The following DOCK1 variants were observed in gnomAD, a reference collection of about 807,000 sequenced individuals.
DOCK1 encodes dedicator of cytokinesis 1, also known as dedicator of cytokinesis protein 1.
DOCK1 carries 138 observed loss-of-function variants against 262.7 expected under a neutral mutation model. The ratio of observed to expected loss-of-function variants is 0.53; its 90% CI spans 0.46 to 0.61. DOCK1 has a LOEUF of 0.61. DOCK1 is among the 20% of genes least tolerant of loss of function. The pLI, the probability that DOCK1 is intolerant of heterozygous loss-of-function variation, is 0.00. For synonymous variants in DOCK1, 866 were observed against 867.4 expected, an observed-to-expected ratio of 1.00 and a Z score of 0.03; for missense variants, 1,908 against 2,370.7, an observed-to-expected ratio of 0.80 and a Z score of 4.05.
intron 1 of DOCK1, among the ~76,000 whole-genome samples, chr10:126,919,841 C>T (rs2032994894): frequency 6.6e-6 from 1 of 152,208 alleles, no homozygotes; most frequent in Admixed American, 6.5e-5. Flanking sequence ...CCAGCACCTG[C>T]TGTGGTCCCT....
intron 42 of DOCK1, among the ~76,000 whole-genome samples, chr10:127,410,600 C>A (rs192418741): frequency 6.6e-6 from 1 of 152,326 alleles, no homozygotes; most frequent in Non-Finnish European, 1.5e-5. Context: ...TTCACTCTTA[C>A]TCAGCTTCTG....
chr10:126,907,423 C>T (rs965326555), intron 1 of DOCK1, among the ~76,000 whole-genome samples: 1 of 151,978 alleles, frequency 6.6e-6, no homozygotes, highest in African/African-American at 2.4e-5. Flanking sequence ...GCAGTGGGGG[C>T]CATCACTGCT....
At chr10:127,168,629 T>A (rs1244849648) in intron 27 of DOCK1, among the ~76,000 whole-genome samples, 2 of 152,212 alleles carry the variant, frequency 1.3e-5, no homozygotes, top group Admixed American at 6.5e-5. Context: ...AAGACTTTGA[T>A]CTCTATTAAG....
In DOCK1 at chr10:127,268,833, T is replaced by G. The variant is rs539333320; in HGVS notation, c.3044+11404T>G. On this transcript the variant is annotated intron_variant, in intron 29 of 51. Coordinates refer to ENST00000623213, the MANE Select transcript of DOCK1 (RefSeq NM_001290223.2). Reference sequence around the variant, plus strand: ...GGCATTGGAATCACAGTGACATGAATGTACATGCCAGGGCTGCCTCCAGTC... The same window carrying G: ...GGCATTGGAATCACAGTGACATGAAGGTACATGCCAGGGCTGCCTCCAGTC... Among the ~76,000 whole-genome samples the G allele has an allele frequency of 3.3e-5, 5 of 152,214 alleles. No individual in the cohort carries two copies. The South Asian group carries it at 1.0e-3, about 32-fold the overall frequency.
intron 1 of DOCK1, among the ~76,000 whole-genome samples, chr10:126,920,008 C>G (rs777035984): frequency 6.6e-6 from 1 of 152,256 alleles, no homozygotes; most frequent in Non-Finnish European, 1.5e-5. Context: ...CGGCTCAGCT[C>G]GAGAATGCAG....
At chr10:127,014,920 C>A (rs1394573174) in intron 12 of DOCK1, 2 of 152,222 alleles carry the variant, frequency 1.3e-5, no homozygotes, top group African/African-American at 4.8e-5. Flanking sequence ...GAAAAAGGGG[C>A]CTCATCAACC....
chr10:127,294,862 G>C (rs1049303627), intron 29 of DOCK1, among the ~76,000 whole-genome samples: 2 of 151,942 alleles, frequency 1.3e-5, no homozygotes, highest in African/African-American at 4.8e-5. Flanking sequence ...GGCTGGTTTC[G>C]AACTCCTGAC....
rs146177883 is a variant in DOCK1, at chr10:127,013,137, G to T, written c.1201+763G>T. Among the ~76,000 whole-genome samples, 722 of 152,316 alleles carry T rather than the reference G, an allele frequency of 4.7e-3. 6 individuals carry two copies. Among genetic ancestry groups the T allele is most frequent in the Non-Finnish European group, 4.4e-3 (297 of 68,034 alleles). ...TGTTCTAAAGGAGAATGTGAATTGA[G>T]CCTGAAGAATGTTTTAGAGAATGAG... On this transcript the variant is annotated intron_variant, in intron 12 of 51. Transcript: ENST00000623213.
intron 1 of DOCK1, among the ~76,000 whole-genome samples, chr10:126,951,434 T>G (rs1014318064): frequency 6.6e-6 from 1 of 151,518 alleles, no homozygotes; most frequent in Non-Finnish European, 1.5e-5. Context: ...GGTGGTAGTA[T>G]TGTTGGTAGT....
At chr10:127,069,039 C>G (rs1464544746) in intron 23 of DOCK1, among the ~76,000 whole-genome samples, 2 of 152,234 alleles carry the variant, frequency 1.3e-5, no homozygotes, top group African/African-American at 4.8e-5. Flanking sequence ...CTGGTTTGCT[C>G]TGAGGCATCC....
At chr10:127,232,572 C>T (rs976765346) in intron 27 of DOCK1, among the ~76,000 whole-genome samples, 4 of 152,164 alleles carry the variant, frequency 2.6e-5, no homozygotes, top group African/African-American at 9.7e-5. Flanking sequence ...ATATTTACCA[C>T]GTAGTAGTGT....
intron 27 of DOCK1, among the ~76,000 whole-genome samples, chr10:127,157,539 TCTTG>T (rs1244722140): frequency 6.6e-6 from 1 of 152,262 alleles, no homozygotes; most frequent in Non-Finnish European, 1.5e-5. Context: ...ATTTTCTTTC[TCTTG>T]CTTCTTTTAT....
At chr10:126,942,056 G>A (rs889396270) in intron 1 of DOCK1, among the ~76,000 whole-genome samples, 10 of 151,622 alleles carry the variant, frequency 6.6e-5, no homozygotes, top group African/African-American at 2.2e-4. Context: ...ACGGAGTCTC[G>A]CTCTGTCGCC....
intron 29 of DOCK1, among the ~76,000 whole-genome samples, chr10:127,315,782 C>A (rs2062250416): frequency 6.6e-6 from 1 of 152,146 alleles, no homozygotes; most frequent in African/African-American, 2.4e-5. Context: ...ACTGCAACCT[C>A]CGCCCTCCTG....
At chr10:127,207,686 A>C (rs2057786878) in intron 27 of DOCK1, among the ~76,000 whole-genome samples, 1 of 152,142 alleles carries the variant, frequency 6.6e-6, no homozygotes, top group African/African-American at 2.4e-5. Flanking sequence ...AATATTTTGG[A>C]CTTTGAAGGC....
At chr10:127,131,345 A>G (rs536523582) in intron 27 of DOCK1, among the ~76,000 whole-genome samples, 49 of 152,294 alleles carry the variant, frequency 3.2e-4, no homozygotes, top group African/African-American at 1.1e-3. Flanking sequence ...ACTCCTCCCA[A>G]TTCCACCATC....
rs550454211 is a variant in DOCK1, at chr10:127,012,467, A to T, written c.1201+93A>T. ...TGGTTTTAGTTTGATGTTGATCATG[A>T]TGGTGGTGATAATGATGGGGATGAC... On this transcript the variant is annotated intron_variant, in intron 12 of 51. Coordinates refer to ENST00000623213, the MANE Select transcript of DOCK1 (RefSeq NM_001290223.2). The surrounding 1 kb of genome is among the most constrained non-coding windows in gnomAD (Gnocchi z 4.0). 9.3e-7 allele frequency: 1 copy of T among 1,072,494 alleles called. No homozygotes were observed. The highest frequency in any genetic ancestry group is 2.4e-5 in the East Asian group (1 of 41,874). 66.4% of individuals were successfully genotyped at this position (1,072,494 alleles called of 1,614,324 possible). A position where few individuals can be genotyped will look rare whatever the true frequency, so the allele number is the denominator to read the frequency against.
chr10:126,946,545 A>G (rs1413848012), intron 1 of DOCK1, among the ~76,000 whole-genome samples: 1 of 152,048 alleles, frequency 6.6e-6, no homozygotes, highest in Non-Finnish European at 1.5e-5. Context: ...GACTTCATCT[A>G]AAAAAAGAAA....
At chr10:127,241,121 G>A (rs929780586) in intron 27 of DOCK1, among the ~76,000 whole-genome samples, 3 of 152,088 alleles carry the variant, frequency 2.0e-5, no homozygotes, top group African/African-American at 4.8e-5. Context: ...TCAGGAGTTC[G>A]AGATCAGCCT....
Sources: gnomAD v4.1 joint callset for allele counts (sites outside exome capture counted in the v4.1 genomes callset) on GRCh38, gnomAD v4.1.1 for gene constraint, Gnocchi (gnomAD v3.1) non-coding constraint, MANE v1.5 for transcripts, NCBI Gene and HGNC (gene_info 2026-07-23, HGNC 2026-07-21) for gene names.